PLD5: variants seen among roughly 807,000 people sequenced by gnomAD.
PLD5 encodes phospholipase D family member 5, also known as inactive phospholipase D5.
Under a neutral mutation model 61.1 loss-of-function variants are expected in PLD5, and 36 were observed. The ratio of observed to expected loss-of-function variants is 0.59; its 90% confidence interval spans 0.45 to 0.78. The LOEUF is 0.78. Among genes scored for constraint, PLD5 ranks in the 30% least tolerant of loss-of-function variants. The probability of loss-of-function intolerance (pLI) is 0.00; values close to 1 mark genes in which losing one functional copy is unlikely to be tolerated. For missense variants in PLD5, 515 were observed against 644.4 expected, an observed-to-expected ratio of 0.80 and a Z score of 2.17; for synonymous variants, 243 against 242.8, an observed-to-expected ratio of 1.00 and a Z score of -0.01.
chr1:242,216,524 G>A (rs557891983), intron 5 of PLD5, among the ~76,000 whole-genome samples: 2 of 152,204 alleles, frequency 1.3e-5, no homozygotes, highest in African/African-American at 4.8e-5. Flanking sequence ...AACCTCAGGT[G>A]CATAATTGCT....
At chr1:242,110,760 A>G (rs1661419676) in intron 7 of PLD5, among the ~76,000 whole-genome samples, 1 of 152,118 alleles carries the variant, frequency 6.6e-6, no homozygotes, top group South Asian at 2.1e-4. Context: ...CAGTGAGCCG[A>G]GATCTTGCCA....
rs891377719 is a variant in PLD5 at position 242,144,889 on chromosome 1, T to C, written c.736-20224A>G. 5.2e-4 allele frequency among the ~76,000 whole-genome samples: 79 copies of C among 152,160 alleles called. 1 individual carries two copies. The highest frequency in any genetic ancestry group is 1.8e-3 in the African/African-American group (75 of 41,430). On this transcript the variant is annotated intron_variant, in intron 5 of 9. Coordinates refer to ENST00000536534, the MANE Select transcript of PLD5 (RefSeq NM_001372062.1). Reference sequence around the variant, plus strand: ...GGACATAGAGAATCTGATGCAGCCATGGTGAGTTGTAGTACATTTGGGAAC... The same window carrying C: ...GGACATAGAGAATCTGATGCAGCCACGGTGAGTTGTAGTACATTTGGGAAC...
chr1:242,517,302 C>T (rs181768921), intron 1 of PLD5, among the ~76,000 whole-genome samples: 16 of 152,254 alleles, frequency 1.1e-4, no homozygotes, highest in East Asian at 7.7e-4. Context: ...TTCAATAGTT[C>T]GCCATTAACT....
chr1:242,522,971 A>G (rs991852680), intron 1 of PLD5, among the ~76,000 whole-genome samples: 5 of 152,186 alleles, frequency 3.3e-5, no homozygotes, highest in African/African-American at 1.2e-4. Flanking sequence ...TATAATAGAG[A>G]AATGCCCCTT....
chr1:242,477,617 G>A (rs112163966), intron 1 of PLD5, among the ~76,000 whole-genome samples: 14 of 152,168 alleles, frequency 9.2e-5, no homozygotes, highest in African/African-American at 3.1e-4. Flanking sequence ...GCTTGGCAGC[G>A]GAGGCAGAGA....
intron 5 of PLD5, among the ~76,000 whole-genome samples, chr1:242,177,105 A>G (rs1158089102): frequency 1.3e-5 from 2 of 152,228 alleles, no homozygotes; most frequent in Non-Finnish European, 2.9e-5. Context: ...AAATCATTCT[A>G]CTATAAAGAC....
intron 1 of PLD5, among the ~76,000 whole-genome samples, chr1:242,429,638 A>G (rs1572134255): frequency 6.6e-6 from 1 of 152,306 alleles, no homozygotes; most frequent in East Asian, 1.9e-4. Context: ...TGGCTTTCTG[A>G]CTGATTACCA....
At chr1:242,511,869 T>C (rs1446101153) in intron 1 of PLD5, among the ~76,000 whole-genome samples, 1 of 152,212 alleles carries the variant, frequency 6.6e-6, no homozygotes, top group Non-Finnish European at 1.5e-5. Flanking sequence ...AAAAGGTGTA[T>C]AGGAGATGCT....
intron 2 of PLD5, among the ~76,000 whole-genome samples, chr1:242,293,537 GA>G (rs1651471604): frequency 6.6e-6 from 1 of 152,050 alleles, no homozygotes. Context: ...ATATGAATAG[GA>G]AAAAATATAG....
chr1:242,220,712 T>A (rs58116389), intron 4 of PLD5, among the ~76,000 whole-genome samples: 1,204 of 60,224 alleles, frequency 0.02, 20 homozygotes, highest in African/African-American at 0.096. Flanking sequence ...AATTTATATT[T>A]TATTTTATTT....
chr1:242,116,960 T>G (rs1241842082), intron 6 of PLD5, among the ~76,000 whole-genome samples: 1 of 152,166 alleles, frequency 6.6e-6, no homozygotes, highest in Non-Finnish European at 1.5e-5. Flanking sequence ...CTGCAGGGTT[T>G]CCTGGGTCTG....
At chr1:242,139,260 TTTTAA>T (rs1663981281) in intron 5 of PLD5, among the ~76,000 whole-genome samples, 1 of 152,214 alleles carries the variant, frequency 6.6e-6, no homozygotes, top group South Asian at 2.1e-4. Context: ...TAGGTTTTTT[TTTTAA>T]TTTTTCTTTT....
chr1:242,106,759 T>A (rs1463712585), intron 8 of PLD5, among the ~76,000 whole-genome samples: 4 of 152,192 alleles, frequency 2.6e-5, no homozygotes, highest in African/African-American at 9.7e-5. Context: ...GAATGCAGCT[T>A]CGTTACCTAG....
At chr1:242,498,334 T>C (rs1326049042) in intron 1 of PLD5, among the ~76,000 whole-genome samples, 2 of 152,174 alleles carry the variant, frequency 1.3e-5, no homozygotes, top group Non-Finnish European at 2.9e-5. Flanking sequence ...TAAGCAAAAG[T>C]AGAAAATAAA....
intron 6 of PLD5, among the ~76,000 whole-genome samples, chr1:242,116,817 A>G (rs1008793859): frequency 1.3e-5 from 2 of 151,812 alleles, no homozygotes; most frequent in African/African-American, 4.8e-5. Context: ...TGAGTTTTTG[A>G]TCATTTATTT....
chr1:242,120,305 A>T (rs981120004), intron 6 of PLD5, among the ~76,000 whole-genome samples: 1 of 151,966 alleles, frequency 6.6e-6, no homozygotes, highest in African/African-American at 2.4e-5. Flanking sequence ...TTTATTTTTT[A>T]TTTTTTATTT....
In PLD5 at chr1:242,322,608, G is replaced by A. The variant is rs184905246; in HGVS notation, c.326+25498C>T. On this transcript the variant is annotated intron_variant, in intron 2 of 9. Transcript: ENST00000536534. The stretch of plus-strand genomic sequence containing the variant: ...ACTTGTCAGAGGTCTGGTGGGAGGT[G>A]ACTGGATCATGGGGGTGGATTTCCC... Among the ~76,000 whole-genome samples the A allele has an allele frequency of 2.3e-3, 348 of 152,324 alleles. 3 individuals are homozygous for A. Among genetic ancestry groups the A allele is most frequent in the Middle Eastern group, 3.4e-3 (1 of 294 alleles).
In PLD5 at chr1:242,150,426, GGTTT is replaced by G. The variant is rs1664847656; in HGVS notation, c.736-25765_736-25762del. Among the ~76,000 whole-genome samples the G allele has an allele frequency of 2.0e-5, 3 of 151,360 alleles. No individual in the cohort carries two copies. The South Asian group carries it at 6.2e-4, about 32-fold the overall frequency. Reference sequence around the variant, plus strand: ...GGTGAAGTCTTCAGTTATAATTGTGGGTTTGTTTATTTCTCCTTATACTATTATT... The same window carrying G: ...GGTGAAGTCTTCAGTTATAATTGTGGGTTTATTTCTCCTTATACTATTATT... On this transcript the variant is annotated intron_variant, in intron 5 of 9. Coordinates refer to ENST00000536534, the MANE Select transcript of PLD5 (RefSeq NM_001372062.1).
intron 1 of PLD5, among the ~76,000 whole-genome samples, chr1:242,397,055 G>A (rs747624477): frequency 1.3e-5 from 2 of 151,914 alleles, no homozygotes; most frequent in Non-Finnish European, 2.9e-5. Context: ...ATAGCTACAT[G>A]TTGAGTGTCC....
Sources: allele counts gnomAD v4.1 joint callset (sites outside exome capture counted in the v4.1 genomes callset), GRCh38; gene constraint gnomAD v4.1.1; transcripts MANE v1.5; gene names NCBI Gene and HGNC (gene_info 2026-07-23, HGNC 2026-07-21).